RRP9: variants seen among roughly 807,000 people sequenced by gnomAD.
RRP9 encodes ribosomal RNA processing 9, U3 small nucleolar RNA binding protein, also known as U3 small nucleolar RNA-interacting protein 2.
In RRP9, 35 loss-of-function variants were observed where a neutral mutation model predicts 65.5. The observed-to-expected ratio is 0.53, with a 90% CI of 0.41 to 0.71. RRP9 has a LOEUF of 0.71. Among genes scored for constraint, RRP9 ranks in the 30% least tolerant of loss-of-function variants. The pLI is 0.00. For synonymous variants in RRP9, 254 were observed against 245.0 expected (o/e 1.04, Z -0.34); for missense variants, 533 against 633.6 (o/e 0.84, Z 1.70).
chr3:51,940,246 ACT>A lies in RRP9; in HGVS notation c.170+1161_170+1162del, dbSNP rs112368813. 8.6e-3 allele frequency among the ~76,000 whole-genome samples: 1,314 copies of A among 151,950 alleles called. 12 individuals carry two copies. The highest frequency in any genetic ancestry group is 0.029 in the African/African-American group (1,209 of 41,402). On this transcript the variant is annotated intron_variant, in intron 2 of 14. Coordinates refer to ENST00000232888, the MANE Select transcript of RRP9 (RefSeq NM_004704.5). ...ACTCCAGCCTGGGCAACAGAGTGAG[ACT>A]CTGTCTCAAAAACAAAAAAAAAAAG...
Position 51,935,719 on chromosome 3 carries a change from G to A in RRP9, c.736-27C>T, listed in dbSNP as rs974563030. 8.2e-6 allele frequency: 13 copies of A among 1,582,004 alleles called. No homozygotes were observed. In the East Asian group the frequency reaches 2.7e-4, roughly 33 times the overall value. ...TAAGGGTGCATGGGGAGAGGGCAAA[G>A]GGGACCTGGACTACAGCAGGCGAGA... On this transcript the variant is annotated intron_variant, in intron 8 of 14. Coordinates refer to ENST00000232888, the MANE Select transcript of RRP9 (RefSeq NM_004704.5).
At position 51,937,073 on chromosome 3, in the gene RRP9, A is replaced by G; in HGVS notation, c.517+119T>C. The G allele has an allele frequency of 7.5e-7, 1 of 1,327,552 alleles. No homozygotes were observed. The highest frequency in any genetic ancestry group is 1.0e-6 in the Non-Finnish European group (1 of 954,720). 82.2% of individuals were successfully genotyped at this position (1,327,552 alleles called of 1,614,324 possible). Reference sequence around the variant, plus strand: ...CCAGAGAGCACTCCTAGGGCAGCAAACCTGCCTCCAGAGACTTCCCCACTT... The same window carrying G: ...CCAGAGAGCACTCCTAGGGCAGCAAGCCTGCCTCCAGAGACTTCCCCACTT... On this transcript the variant is annotated intron_variant, in intron 6 of 14. Transcript: ENST00000232888. The surrounding 1 kb of genome is among the most constrained non-coding windows in gnomAD (Gnocchi z 5.0).
chr3:51,939,323 G>A (rs1699491024), intron 2 of RRP9, among the ~76,000 whole-genome samples: 1 of 152,234 alleles, frequency 6.6e-6, no homozygotes, highest in African/African-American at 2.4e-5. Flanking sequence ...ACAGCCAAGG[G>A]ACCTGTGTTA....
rs1699466647 is a variant in RRP9, at chr3:51,937,007, G to C, written c.517+185C>G. On this transcript the variant is annotated intron_variant, in intron 6 of 14. Coordinates refer to ENST00000232888, the MANE Select transcript of RRP9 (RefSeq NM_004704.5). The surrounding 1 kb of genome is among the most constrained non-coding windows in gnomAD (Gnocchi z 5.0). ...GCCCAAAGGTCTCTAGGGACAGGGAGCTCATAAGCCCCACTGCCGGGCAGC... is the reference window on the plus strand; with the variant it reads ...GCCCAAAGGTCTCTAGGGACAGGGACCTCATAAGCCCCACTGCCGGGCAGC... Among the ~76,000 whole-genome samples the C allele has an allele frequency of 6.6e-6, 1 of 152,212 alleles. No homozygotes were observed. The highest frequency in any genetic ancestry group is 2.1e-4 in the South Asian group (1 of 4,832).
chr3:51,933,733 C>T lies in RRP9; in HGVS notation c.1309G>A (p.Val437Met). 2.5e-6 allele frequency: 4 copies of T among 1,614,126 alleles called. No homozygotes were observed. The highest frequency in any genetic ancestry group is 3.4e-6 in the Non-Finnish European group (4 of 1,180,020). Residue 437 changes from valine (V) to methionine (M), a missense_variant, in exon 14 of 15, where the codon GTG (valine) becomes ATG (methionine). Around this residue, in one of 3 missense-constraint regions of RRP9, gnomAD observed 449 missense variants for 550.6 expected, o/e 0.82. Coordinates refer to ENST00000232888, the MANE Select transcript of RRP9 (RefSeq NM_004704.5). ...LKFSSSGDFL[V>M]AGVGQEHRLG... is the part of the protein sequence containing the mutation. ...CTGTGCTCCTGCCCTACCCCAGCCACCAGGAAGTCCCCAGAGCTGGAGAAC... is the reference window on the plus strand; with the variant it reads ...CTGTGCTCCTGCCCTACCCCAGCCATCAGGAAGTCCCCAGAGCTGGAGAAC...
chr3:51,940,512 C>G (rs986948334), intron 2 of RRP9, among the ~76,000 whole-genome samples: 1 of 152,044 alleles, frequency 6.6e-6, no homozygotes, highest in African/African-American at 2.4e-5. Flanking sequence ...GACCAGTCCT[C>G]CTGTTTTTGT....
chr3:51,941,679 G>A, intron 1 of RRP9, 102 bp downstream of exon 1: 1 of 1,206,056 alleles, frequency 8.3e-7, no homozygotes, highest in African/African-American at 1.5e-5. Context: ...CAGGGGTCCA[G>A]GGCGAAGGGC....
In RRP9 at chr3:51,935,408, C is replaced by A. The variant is rs749980840; in HGVS notation, c.905G>T (p.Gly302Val). ...CCACACACGTACAGTCCCATCCCGG[C>A]CCCCAGCCGTCACACAGCACTCCCG... ...LSRECCVTAG[G>V]RDGTVRVWKI... The change falls in exon 10 of 15, where the codon GGC becomes GTC. Residue 302 changes from glycine (G) to valine (V), a missense_variant. Gly to Val is a moderately radical substitution (Grantham distance 109, BLOSUM62 -3). This residue lies in a region of RRP9 where 449 missense variants were observed against 550.6 expected (regional missense o/e 0.82). Transcript: ENST00000232888. 3.1e-6 allele frequency: 5 copies of A among 1,614,022 alleles called. No individual in the cohort carries two copies. The Admixed American group carries it at 8.3e-5, about 27-fold the overall frequency.
intron 1 of RRP9, 131 bp downstream of exon 1, chr3:51,941,650 G>C: frequency 9.2e-7 from 1 of 1,089,416 alleles, no homozygotes; most frequent in Non-Finnish European, 1.3e-6. Flanking sequence ...CGCGGAGAGA[G>C]GGACGAAGCT....
intron 10 of RRP9, 25 bp from the exon 11 acceptor site, chr3:51,935,284 G>A (rs766583329): frequency 6.2e-6 from 10 of 1,614,044 alleles, no homozygotes; most frequent in African/African-American, 5.3e-5. Flanking sequence ...TGTGAGGAGC[G>A]TGGCCCAAGC....
rs554237990 is a variant in RRP9, at chr3:51,941,903, T to C, written c.-36A>G. On this transcript the variant is annotated 5_prime_UTR_variant, in exon 1 of 15. Transcript: ENST00000232888. ...AGGCGTGTAGCAGCGGCCGCAGAACTCACGTGGCAGCTGAACCCTCCCAGC... is the reference window on the plus strand; with the variant it reads ...AGGCGTGTAGCAGCGGCCGCAGAACCCACGTGGCAGCTGAACCCTCCCAGC... 9.3e-5 allele frequency: 142 copies of C among 1,532,870 alleles called. 1 individual carries two copies. The African/African-American group carries it at 1.4e-3, about 16-fold the overall frequency. The allele number at this position is 1,532,870 out of a possible 1,614,324, so 95.0% of individuals were successfully genotyped here.
intron 8 of RRP9, 34 bp from the exon 9 acceptor site, chr3:51,935,726 T>C: frequency 6.4e-7 from 1 of 1,554,766 alleles, no homozygotes; most frequent in Admixed American, 1.7e-5. Flanking sequence ...AAAGGGGACC[T>C]GGACTACAGC....
In RRP9 at chr3:51,933,523, G is replaced by C; in HGVS notation, c.1411C>G (p.Pro471Ala). The C allele has an allele frequency of 2.5e-6, 4 of 1,613,940 alleles. No homozygotes were observed. The highest frequency in any genetic ancestry group is 3.4e-6 in the Non-Finnish European group (4 of 1,179,888). ...TAAGAGTGTCAGGAACCAGCAGCTG[G>C]GGGTACAGGGACCCTGCGGAGTGGG... ...IIPLRRVPVP[P>A]AAGS is the part of the protein sequence containing the mutation. The change falls in exon 15 of 15, where the codon CCA becomes GCA. Residue 471 changes from proline to alanine, a missense_variant. By Grantham distance (27) the Pro-to-Ala change is conservative (BLOSUM62 -1). Around this residue, in one of 3 missense-constraint regions of RRP9, gnomAD observed 449 missense variants for 550.6 expected, o/e 0.82. Transcript: ENST00000232888.
intron 8 of RRP9, 95 bp downstream of exon 8, chr3:51,936,162 G>A: frequency 1.7e-6 from 2 of 1,188,564 alleles, no homozygotes; most frequent in Admixed American, 1.8e-5. Flanking sequence ...CAGGATGCAG[G>A]TTCCCTGAGG....
chr3:51,936,144 C>T (rs1351394866), intron 8 of RRP9, 113 bp downstream of exon 8: 19 of 982,968 alleles, frequency 1.9e-5, no homozygotes, highest in Middle Eastern at 2.1e-4. Flanking sequence ...GCTACCCACT[C>T]GCTACCCCAG....
rs1432707788 is a variant in RRP9 at position 51,935,432 on chromosome 3, C to T, written c.881G>A (p.Arg294Gln). The change falls in exon 10 of 15, where the codon CGG becomes CAG. Residue 294 changes from arginine to glutamine, a missense_variant. Coordinates refer to ENST00000232888, the MANE Select transcript of RRP9 (RefSeq NM_004704.5). ...DAVAALDALS[R>Q]ECCVTAGGRD... is the part of the protein sequence containing the mutation. ...GCCCCCAGCCGTCACACAGCACTCCCGGCTCAAGGCATCCAGTGCAGCCAC... is the reference window on the plus strand; with the variant it reads ...GCCCCCAGCCGTCACACAGCACTCCTGGCTCAAGGCATCCAGTGCAGCCAC... 22 of 1,614,070 alleles carry T rather than the reference C, an allele frequency of 1.4e-5. No homozygotes were observed. The highest frequency in any genetic ancestry group is 1.6e-4 in the Middle Eastern group (1 of 6,084).
Position 51,941,847 on chromosome 3 carries a change from A to G in RRP9, c.21T>C (p.Ala7=), listed in dbSNP as rs765481352. 5.1e-5 allele frequency: 81 copies of G among 1,582,796 alleles called. 1 individual carries two copies. In the South Asian group the frequency reaches 8.2e-4, roughly 16 times the overall value. Residue 7 remains alanine, a synonymous_variant, in exon 1 of 15, where the codon GCT becomes GCC. Coordinates refer to ENST00000232888, the MANE Select transcript of RRP9 (RefSeq NM_004704.5). MSATAA[A]RKRGKPASGA... is the part of the protein sequence containing the mutation. ...CAGAGGCCGGCTTTCCCCGCTTACG[A>G]GCAGCCGCTGTTGCCGACATGCTGC...
In RRP9 at chr3:51,937,391, T is replaced by C. The variant is rs1699471113; in HGVS notation, c.391-73A>G. 4 of 1,606,162 alleles carry C rather than the reference T, an allele frequency of 2.5e-6. No homozygotes were observed. The highest frequency in any genetic ancestry group is 1.3e-5 in the African/African-American group (1 of 74,742). On this transcript the variant is annotated intron_variant, in intron 5 of 14. Coordinates refer to ENST00000232888, the MANE Select transcript of RRP9 (RefSeq NM_004704.5). The surrounding 1 kb of genome is among the most constrained non-coding windows in gnomAD (Gnocchi z 5.0). ...TACCTTCACCAACCCCACTGCGTAG[T>C]GTTGGCCTTTCCCACCCAGGCCAGA...
At position 51,941,814 on chromosome 3, in the gene RRP9, C is replaced by T. The variant is rs1234050041; in HGVS notation, c.54G>A (p.Gly18=). ...GCCGCTTGCCGGCCCCCGCGCCAGCCCCGGCCCCAGAGGCCGGCTTTCCCC... is the reference window on the plus strand; with the variant it reads ...GCCGCTTGCCGGCCCCCGCGCCAGCTCCGGCCCCAGAGGCCGGCTTTCCCC... ...RKRGKPASGA[G]AGAGAGKRRR... Residue 18 remains glycine (G), a synonymous_variant, in exon 1 of 15, where the codon GGG becomes GGA. Transcript: ENST00000232888. 6.3e-7 allele frequency: 1 copy of T among 1,579,664 alleles called. No homozygotes were observed. The highest frequency in any genetic ancestry group is 8.5e-7 in the Non-Finnish European group (1 of 1,171,148).
Sources: gnomAD v4.1 joint callset for allele counts (sites outside exome capture counted in the v4.1 genomes callset) on GRCh38, gnomAD v4.1.1 for gene constraint, gnomAD v4.1.1 regional missense constraint, Gnocchi (gnomAD v3.1) non-coding constraint, MANE v1.5 for transcripts, NCBI Gene and HGNC (gene_info 2026-07-23, HGNC 2026-07-21) for gene names.